GPT2: variants seen among roughly 807,000 people sequenced by gnomAD.
GPT2 encodes alanine aminotransferase 2.
In GPT2, 30 loss-of-function variants were observed where a neutral mutation model predicts 56.9. The ratio of observed to expected loss-of-function variants is 0.53; its 90% CI spans 0.39 to 0.72. The LOEUF is 0.72. Ranked by LOEUF, GPT2 falls within the 30% of genes least tolerant of loss-of-function variation. The pLI, the probability that GPT2 is intolerant of heterozygous loss-of-function variation, is 0.00. For missense variants in GPT2, 542 were observed against 703.4 expected, an observed-to-expected ratio of 0.77 and a Z score of 2.60; for synonymous variants, 271 against 283.1, an observed-to-expected ratio of 0.96 and a Z score of 0.43.
chr16:46,915,415 A>ACACCC (rs1022464682), intron 6 of GPT2: 2 of 150,144 alleles, frequency 1.3e-5, no homozygotes, highest in Non-Finnish European at 3.0e-5. Flanking sequence ...ACATAGACAC[A>ACACCC]CACCCCACCA....
intron 2 of GPT2, among the ~76,000 whole-genome samples, chr16:46,891,780 A>G (rs1960588678): frequency 6.6e-6 from 1 of 151,298 alleles, no homozygotes; most frequent in South Asian, 2.1e-4. Flanking sequence ...ATCCAATTAT[A>G]TATACTCTTT....
chr16:46,886,163 C>T (rs1960479313), intron 2 of GPT2, among the ~76,000 whole-genome samples: 2 of 152,248 alleles, frequency 1.3e-5, no homozygotes, highest in South Asian at 2.1e-4. Flanking sequence ...TAAAGCTGGC[C>T]GGGAGGAGGC....
chr16:46,917,467 C>G (rs556017520), intron 7 of GPT2, among the ~76,000 whole-genome samples: 34 of 152,324 alleles, frequency 2.2e-4, no homozygotes, highest in Non-Finnish European at 4.6e-4. Context: ...AGGAAGGGAT[C>G]TTAACCCGGT....
chr16:46,918,881 TCTG>T, intron 8 of GPT2, 124 bp downstream of exon 8: 1 of 1,156,212 alleles, frequency 8.6e-7, no homozygotes, highest in Non-Finnish European at 1.2e-6. Context: ...ATCTGTTGCT[TCTG>T]CTGCATCTCC....
Position 46,885,408 on chromosome 16 carries a change from G to A in GPT2, c.243+450G>A, listed in dbSNP as rs1028276333. On this transcript the variant is annotated intron_variant, in intron 2 of 11. Transcript: ENST00000340124. ...GTAGGAGGGGAGACGGGGTGGGGGG[G>A]GCTCTGCGGAAAGTTGGTTCTGTTC... The A allele has an allele frequency of 1.3e-4, 109 of 842,258 alleles. No individual in the cohort carries two copies. In the African/African-American group the frequency reaches 1.5e-3, roughly 11 times the overall value. 52.2% of individuals were successfully genotyped at this position (842,258 alleles called of 1,614,324 possible).
intron 9 of GPT2, chr16:46,923,982 A>G (rs1961348046): frequency 5.8e-6 from 2 of 343,598 alleles, no homozygotes; most frequent in Non-Finnish European, 1.1e-5. Context: ...GCTGGGCTCT[A>G]CCCTTTGGCC....
rs761071681 is a variant in GPT2, at chr16:46,918,612, C to G, written c.901-9C>G. ...CCCTTTGGTGACCGTCCCTGCCGTGCCCCCGCAGGTGTACCAGGACAACGT... is the reference window on the plus strand; with the variant it reads ...CCCTTTGGTGACCGTCCCTGCCGTGGCCCCGCAGGTGTACCAGGACAACGT... On this transcript the variant is annotated splice_polypyrimidine_tract_variant and intron_variant, in intron 7 of 11. Coordinates refer to ENST00000340124, the MANE Select transcript of GPT2 (RefSeq NM_133443.4). 1 of 1,613,616 alleles carries G rather than the reference C, an allele frequency of 6.2e-7. No homozygotes were observed. Among genetic ancestry groups the G allele is most frequent in the Middle Eastern group, 1.7e-4 (1 of 6,052 alleles).
intron 2 of GPT2, among the ~76,000 whole-genome samples, chr16:46,896,923 C>CA (rs1317032628): frequency 6.6e-6 from 1 of 152,202 alleles, no homozygotes; most frequent in African/African-American, 2.4e-5. Context: ...TGTGGCTGGG[C>CA]ACAGTGGTTC....
intron 8 of GPT2, among the ~76,000 whole-genome samples, chr16:46,919,304 G>A (rs538801510): frequency 4.6e-4 from 70 of 152,334 alleles, no homozygotes; most frequent in African/African-American, 1.6e-3. Context: ...TTCTAGTGAG[G>A]GGGGAGAGCT....
intron 8 of GPT2, among the ~76,000 whole-genome samples, chr16:46,921,755 G>A (rs1416579853): frequency 1.3e-5 from 2 of 152,114 alleles, no homozygotes; most frequent in African/African-American, 2.4e-5. Flanking sequence ...GGTGACTCAC[G>A]CCTGTAATCC....
At chr16:46,892,555 G>A (rs763333620) in intron 2 of GPT2, among the ~76,000 whole-genome samples, 5 of 152,194 alleles carry the variant, frequency 3.3e-5, no homozygotes, top group South Asian at 2.1e-4. Context: ...CACCAGTGGC[G>A]TGCAGGGTTC....
chr16:46,891,322 A>G (rs1347692478), intron 2 of GPT2, among the ~76,000 whole-genome samples: 1 of 151,986 alleles, frequency 6.6e-6, no homozygotes, highest in African/African-American at 2.4e-5. Context: ...AGCTCACTGC[A>G]ACCTCCGTCT....
chr16:46,893,771 C>T (rs1466511628), intron 2 of GPT2, among the ~76,000 whole-genome samples: 1 of 152,120 alleles, frequency 6.6e-6, no homozygotes, highest in African/African-American at 2.4e-5. Flanking sequence ...GGGGAGGTGG[C>T]TCTGGGAGGG....
intron 6 of GPT2, among the ~76,000 whole-genome samples, chr16:46,911,492 G>A (rs1159081942): frequency 6.6e-6 from 1 of 152,182 alleles, no homozygotes; most frequent in Non-Finnish European, 1.5e-5. Context: ...TGGGAGTGTG[G>A]GGGATAAAGA....
At chr16:46,903,264 A>T (rs1185008437) in intron 4 of GPT2, among the ~76,000 whole-genome samples, 2 of 152,092 alleles carry the variant, frequency 1.3e-5, no homozygotes, top group African/African-American at 4.8e-5. Context: ...AAAAGAAAAA[A>T]ATATATATTA....
At chr16:46,914,033 TAAG>T (rs1961094799) in intron 6 of GPT2, among the ~76,000 whole-genome samples, 1 of 152,232 alleles carries the variant, frequency 6.6e-6, no homozygotes, top group Non-Finnish European at 1.5e-5. Flanking sequence ...TAGCCCTTGT[TAAG>T]AAGTTAGCAA....
rs753344395 is a variant in GPT2, at chr16:46,922,367, T to C, written c.1163T>C (p.Val388Ala). ...TCTGGGCAGGCCGCCATGGACATTG[T>C]CGTGAACCCCCCGGTGGCAGGAGAG... ...PVSGQAAMDI[V>A]VNPPVAGEES... The change falls in exon 9 of 12, where the codon GTC becomes GCC. Residue 388 changes from valine (V) to alanine (A), a missense_variant. Physicochemically the swap from Val to Ala is moderately conservative, Grantham distance 64. Transcript: ENST00000340124. The C allele has an allele frequency of 2.5e-6, 4 of 1,613,862 alleles. No homozygotes were observed. Among genetic ancestry groups the C allele is most frequent in the Non-Finnish European group, 3.4e-6 (4 of 1,179,948 alleles).
At chr16:46,916,959 AAG>A (rs1320742839) in intron 7 of GPT2, among the ~76,000 whole-genome samples, 1 of 152,162 alleles carries the variant, frequency 6.6e-6, no homozygotes, top group African/African-American at 2.4e-5. Flanking sequence ...AAAAAGGAAA[AAG>A]AAAAAATGCC....
intron 2 of GPT2, among the ~76,000 whole-genome samples, chr16:46,889,076 G>A (rs1216513718): frequency 6.6e-6 from 1 of 152,000 alleles, no homozygotes; most frequent in East Asian, 1.9e-4. Flanking sequence ...ACCCAGGCAG[G>A]AGTGCAGTGG....
Sources: gnomAD v4.1 joint callset for allele counts (sites outside exome capture counted in the v4.1 genomes callset) on GRCh38, gnomAD v4.1.1 for gene constraint, MANE v1.5 for transcripts, NCBI Gene and HGNC (gene_info 2026-07-23, HGNC 2026-07-21) for gene names.